The following IQCJ variants were observed in gnomAD, a reference collection of about 807,000 sequenced individuals.
IQCJ encodes IQ motif containing J.
A neutral mutation model predicts 11.0 loss-of-function variants in IQCJ; 9 were observed. The observed-to-expected ratio is 0.82, with a 90% CI of 0.49 to 1.43. IQCJ has a LOEUF of 1.43. Ranked by LOEUF, IQCJ falls within the 40% of genes most tolerant of loss-of-function variation. The pLI is 0.00. For missense variants in IQCJ, 146 were observed against 133.2 expected, an observed-to-expected ratio of 1.10 and a Z score of -0.47; for synonymous variants, 55 against 51.3, an observed-to-expected ratio of 1.07 and a Z score of -0.31.
At chr3:159,128,816 C>T (rs1196278673) in intron 1 of IQCJ, among the ~76,000 whole-genome samples, 4 of 152,146 alleles carry the variant, frequency 2.6e-5, no homozygotes, top group Non-Finnish European at 4.4e-5. Context: ...TCTGACTCAT[C>T]TTTTTCTACC....
At chr3:159,104,052 G>A (rs1296599047) in intron 1 of IQCJ, among the ~76,000 whole-genome samples, 6 of 152,210 alleles carry the variant, frequency 3.9e-5, no homozygotes, top group Non-Finnish European at 8.8e-5. Flanking sequence ...GGTTGATGGG[G>A]AGTGGATAGT....
chr3:159,226,423 A>G (rs1725856732), intron 1 of IQCJ, among the ~76,000 whole-genome samples: 2 of 152,182 alleles, frequency 1.3e-5, no homozygotes, highest in South Asian at 4.1e-4. Context: ...TATTATAACG[A>G]AAGATGCTCT....
At chr3:159,239,397 A>G (rs1402346959) in intron 1 of IQCJ, among the ~76,000 whole-genome samples, 3 of 152,176 alleles carry the variant, frequency 2.0e-5, no homozygotes, top group African/African-American at 7.2e-5. Flanking sequence ...TGAAATATTC[A>G]AGGAAAGGAG....
At chr3:159,069,842 C>CTT (rs763514390) in intron 1 of IQCJ, 11 of 387,548 alleles carry the variant, frequency 2.8e-5, no homozygotes, top group African/African-American at 1.6e-4. Context: ...GCCCTCCTTT[C>CTT]TTGTGTGTGT....
intron 1 of IQCJ, among the ~76,000 whole-genome samples, chr3:159,085,933 T>C (rs1716725784): frequency 6.6e-6 from 1 of 151,960 alleles, no homozygotes; most frequent in Non-Finnish European, 1.5e-5. Context: ...TAGATACCAT[T>C]TGTCAATTTT....
chr3:159,253,632 CA>C (rs1297845506), intron 3 of IQCJ, among the ~76,000 whole-genome samples: 2 of 151,872 alleles, frequency 1.3e-5, no homozygotes, highest in African/African-American at 4.8e-5. Flanking sequence ...CACACACACA[CA>C]CACTCACACA....
intron 1 of IQCJ, among the ~76,000 whole-genome samples, chr3:159,225,145 A>C (rs1725779386): frequency 1.3e-5 from 2 of 152,198 alleles, no homozygotes; most frequent in Non-Finnish European, 2.9e-5. Context: ...AAACAACCTA[A>C]ATGTTCTTCA....
intron 1 of IQCJ, among the ~76,000 whole-genome samples, chr3:159,150,583 AACACACACACACAC>A (rs373030886): frequency 1.4e-5 from 2 of 146,094 alleles, no homozygotes; most frequent in Non-Finnish European, 3.0e-5. Flanking sequence ...CATTGTCCCC[AACACACACACACAC>A]ACACACACAC....
rs140437341 is a variant in IQCJ, at chr3:159,140,389, G to A, written c.9+70948G>A. Among the ~76,000 whole-genome samples the A allele has an allele frequency of 1.9e-4, 29 of 152,312 alleles. No homozygotes were observed. The East Asian group carries it at 5.4e-3, about 28-fold the overall frequency. ...GAAGGAAAAGAAGGTCCAGAGATGA[G>A]CAGTTGTGGATGGAGCACAACAGAG... On this transcript the variant is annotated intron_variant, in intron 1 of 3. Transcript: ENST00000397832.
chr3:159,200,367 G>T (rs1321853801), intron 1 of IQCJ, among the ~76,000 whole-genome samples: 1 of 151,966 alleles, frequency 6.6e-6, no homozygotes, highest in East Asian at 1.9e-4. Context: ...TCATGACTGT[G>T]GCATCAAAGA....
intron 1 of IQCJ, among the ~76,000 whole-genome samples, chr3:159,144,145 G>A (rs542157675): frequency 2.6e-5 from 4 of 152,248 alleles, no homozygotes; most frequent in South Asian, 2.1e-4. Flanking sequence ...GAGGGGGCAC[G>A]AACATTCAAA....
intron 1 of IQCJ, among the ~76,000 whole-genome samples, chr3:159,101,707 A>G (rs1476971870): frequency 1.3e-5 from 2 of 152,060 alleles, no homozygotes; most frequent in African/African-American, 4.8e-5. Context: ...TTTCTGACTG[A>G]TCTTCTTTGT....
At chr3:159,119,524 A>T (rs779237978) in intron 1 of IQCJ, among the ~76,000 whole-genome samples, 12 of 152,202 alleles carry the variant, frequency 7.9e-5, no homozygotes, top group Non-Finnish European at 1.3e-4. Context: ...TTCATAGAAC[A>T]TTTGAAGATG....
intron 1 of IQCJ, among the ~76,000 whole-genome samples, chr3:159,199,272 A>G (rs1461130678): frequency 6.6e-6 from 1 of 152,224 alleles, no homozygotes; most frequent in Admixed American, 6.5e-5. Context: ...TAAAGGAGTC[A>G]GAGAAGATGT....
At chr3:159,176,941 A>C (rs1722829290) in intron 1 of IQCJ, among the ~76,000 whole-genome samples, 1 of 152,210 alleles carries the variant, frequency 6.6e-6, no homozygotes. Flanking sequence ...CTGTGTGGCC[A>C]GGAGAATATA....
At chr3:159,253,610 AAC>A (rs5853857) in intron 3 of IQCJ, among the ~76,000 whole-genome samples, 46,605 of 149,478 alleles carry the variant, frequency 0.31, 8,398 homozygotes, top group Non-Finnish European at 0.42. Context: ...CTCCCTCACA[AAC>A]ACACACACAC....
At chr3:159,142,342 C>T (rs1027549804) in intron 1 of IQCJ, among the ~76,000 whole-genome samples, 4 of 152,108 alleles carry the variant, frequency 2.6e-5, no homozygotes, top group Non-Finnish European at 5.9e-5. Context: ...AGCTGGTCTC[C>T]AAGGCCCCAC....
At chr3:159,236,461 G>A (rs1383157363) in intron 1 of IQCJ, among the ~76,000 whole-genome samples, 1 of 152,208 alleles carries the variant, frequency 6.6e-6, no homozygotes, top group East Asian at 1.9e-4. Flanking sequence ...AACAAGGCCT[G>A]TGGAAGCATT....
intron 3 of IQCJ, among the ~76,000 whole-genome samples, chr3:159,260,427 A>G (rs957305229): frequency 6.6e-6 from 1 of 152,220 alleles, no homozygotes; most frequent in East Asian, 1.9e-4. Flanking sequence ...TAATTTTTAG[A>G]CAGCCTTTAA....
Sources: allele counts gnomAD v4.1 joint callset (sites outside exome capture counted in the v4.1 genomes callset), GRCh38; gene constraint gnomAD v4.1.1; transcripts MANE v1.5; gene names NCBI Gene and HGNC (gene_info 2026-07-23, HGNC 2026-07-21).